The following STAG1 variants were observed in gnomAD, a reference collection of about 807,000 sequenced individuals.
STAG1 encodes the protein cohesin subunit SA-1.
In STAG1, 26 loss-of-function variants were observed where a neutral mutation model predicts 170.9. That is an observed-to-expected ratio of 0.15 (90% CI 0.11 to 0.21). The LOEUF is 0.21. Ranked by LOEUF, STAG1 falls within the 10% of genes least tolerant of loss-of-function variation. The pLI, the probability that STAG1 is intolerant of heterozygous loss-of-function variation, is 1.00. For synonymous variants in STAG1, 514 were observed against 497.7 expected, an observed-to-expected ratio of 1.03 and a Z score of -0.44; for missense variants, 964 against 1,509.5, an observed-to-expected ratio of 0.64 and a Z score of 5.99.
intron 1 of STAG1, among the ~76,000 whole-genome samples, chr3:136,731,782 T>A (rs530919321): frequency 6.6e-6 from 1 of 152,322 alleles, no homozygotes; most frequent in South Asian, 2.1e-4. Flanking sequence ...CTCTTTTTCA[T>A]CAAGTATGTA....
intron 12 of STAG1, among the ~76,000 whole-genome samples, chr3:136,471,218 A>G (rs1025554135): frequency 2.6e-5 from 4 of 152,164 alleles, no homozygotes; most frequent in African/African-American, 9.6e-5. Flanking sequence ...AAACATAGTA[A>G]GAATACTTCT....
intron 24 of STAG1, 21 bp from the exon 25 acceptor site, chr3:136,367,103 G>A: frequency 6.4e-7 from 1 of 1,571,294 alleles, no homozygotes; most frequent in Non-Finnish European, 8.7e-7. Context: ...ATTACAAATT[G>A]GTTATGAATT....
chr3:136,438,824 CTTA>C (rs2088538763), intron 15 of STAG1, among the ~76,000 whole-genome samples: 3 of 152,024 alleles, frequency 2.0e-5, no homozygotes, highest in Non-Finnish European at 2.9e-5. Context: ...TTTTAAGAAT[CTTA>C]TTATTTACAG....
chr3:136,368,763 G>C lies in STAG1; in HGVS notation c.2545+345C>G, dbSNP rs146594049. Among the ~76,000 whole-genome samples the C allele has an allele frequency of 1.3e-3, 202 of 152,312 alleles. 1 individual carries two copies. The highest frequency in any genetic ancestry group is 4.4e-3 in the African/African-American group (182 of 41,594). ...ACGACAGGAAAAGATCTGAGGTACA[G>C]TATTAAAGGAGGGAGACTTCACTAT... On this transcript the variant is annotated intron_variant, in intron 24 of 33. Coordinates refer to ENST00000383202, the MANE Select transcript of STAG1 (RefSeq NM_005862.3).
intron 1 of STAG1, among the ~76,000 whole-genome samples, chr3:136,668,295 AAT>A (rs1340764284): frequency 1.4e-5 from 2 of 146,964 alleles, no homozygotes; most frequent in South Asian, 2.1e-4. Context: ...CATGATATAT[AAT>A]ATATATTATA....
Position 136,336,407 on chromosome 3 carries a change from T to C in STAG1, c.*1847A>G, listed in dbSNP as rs777551444. On this transcript the variant is annotated 3_prime_UTR_variant, in exon 34 of 34. Transcript: ENST00000383202. Reference sequence around the variant, plus strand: ...GACTTCAAACTGAACTGGAAACCCATTGGAGTAGATATTTAGCCTTTTTGT... The same window carrying C: ...GACTTCAAACTGAACTGGAAACCCACTGGAGTAGATATTTAGCCTTTTTGT... 22 of 152,310 alleles carry C rather than the reference T, an allele frequency of 1.4e-4. No individual in the cohort carries two copies. The highest frequency in any genetic ancestry group is 3.9e-4 in the East Asian group (2 of 5,194). 9.4% of individuals were successfully genotyped at this position (152,310 alleles called of 1,614,324 possible).
intron 9 of STAG1, among the ~76,000 whole-genome samples, chr3:136,485,676 C>T (rs2089994857): frequency 1.3e-5 from 2 of 152,182 alleles, no homozygotes; most frequent in African/African-American, 4.8e-5. Context: ...ATACATCTCC[C>T]TTCCCAAGAG....
At chr3:136,558,456 AATT>A (rs1318628651) in intron 5 of STAG1, among the ~76,000 whole-genome samples, 1 of 152,226 alleles carries the variant, frequency 6.6e-6, no homozygotes, top group Non-Finnish European at 1.5e-5. Flanking sequence ...GCAATACAGT[AATT>A]TGTAGAAGAC....
chr3:136,423,170 A>G, intron 16 of STAG1, 126 bp from the exon 17 acceptor site: 2 of 591,322 alleles, frequency 3.4e-6, no homozygotes, highest in Non-Finnish European at 5.6e-6. Context: ...AATGACTGAA[A>G]TAAACACAAG....
intron 1 of STAG1, among the ~76,000 whole-genome samples, chr3:136,678,847 T>A (rs1351460922): frequency 1.3e-5 from 1 of 77,238 alleles, no homozygotes; most frequent in African/African-American, 5.4e-5. Context: ...ACCCCCATGC[T>A]CACAAAAAAA....
chr3:136,397,025 A>C (rs2087183649), intron 22 of STAG1, among the ~76,000 whole-genome samples: 1 of 152,176 alleles, frequency 6.6e-6, no homozygotes, highest in Non-Finnish European at 1.5e-5. Context: ...AAAGGAAAAA[A>C]AATTCTTACT....
At chr3:136,359,325 C>G in intron 26 of STAG1, 29 bp from the exon 27 acceptor site, 2 of 1,508,996 alleles carry the variant, frequency 1.3e-6, no homozygotes, top group Non-Finnish European at 1.8e-6. Context: ...GAAGAAAAAA[C>G]CTATAGCTCA....
intron 21 of STAG1, among the ~76,000 whole-genome samples, chr3:136,416,686 TA>T (rs2087784990): frequency 6.6e-6 from 1 of 152,090 alleles, no homozygotes; most frequent in African/African-American, 2.4e-5. Context: ...CAATACATTT[TA>T]AAAAAGAGAG....
chr3:136,475,766 C>A (rs1006342835), intron 10 of STAG1, among the ~76,000 whole-genome samples: 2 of 152,170 alleles, frequency 1.3e-5, no homozygotes, highest in Non-Finnish European at 2.9e-5. Flanking sequence ...CAAATAGTAA[C>A]TGTAAAAACT....
chr3:136,578,405 T>C (rs1372926827), intron 4 of STAG1, among the ~76,000 whole-genome samples: 1 of 152,188 alleles, frequency 6.6e-6, no homozygotes, highest in African/African-American at 2.4e-5. Flanking sequence ...CTGTTTGATT[T>C]ATGGAGAAGA....
chr3:136,652,406 A>G (rs1211731790), intron 1 of STAG1, among the ~76,000 whole-genome samples: 1 of 152,244 alleles, frequency 6.6e-6, no homozygotes, highest in Non-Finnish European at 1.5e-5. Context: ...GATAATACTT[A>G]GGCAGGATAA....
At chr3:136,372,443 G>A (rs2108299213) in intron 23 of STAG1, among the ~76,000 whole-genome samples, 1 of 152,234 alleles carries the variant, frequency 6.6e-6, no homozygotes, top group East Asian at 1.9e-4. Context: ...CAAAGGGAAT[G>A]CTTCCAGTTT....
At chr3:136,643,472 T>G (rs1940878175) in intron 1 of STAG1, among the ~76,000 whole-genome samples, 1 of 152,206 alleles carries the variant, frequency 6.6e-6, no homozygotes, top group Non-Finnish European at 1.5e-5. Context: ...GACATGCAAG[T>G]GTAATGACCA....
chr3:136,695,634 G>GA (rs35284821), intron 1 of STAG1, among the ~76,000 whole-genome samples: 42,337 of 143,128 alleles, frequency 0.3, 6,014 homozygotes, highest in Middle Eastern at 0.34. Flanking sequence ...GTACTCACTA[G>GA]AAAAAAAAAA....
Sources: gnomAD v4.1 joint callset for allele counts (sites outside exome capture counted in the v4.1 genomes callset) on GRCh38, gnomAD v4.1.1 for gene constraint, MANE v1.5 for transcripts, NCBI Gene and HGNC (gene_info 2026-07-23, HGNC 2026-07-21) for gene names.